Variants in TMC6 observed in about 807,000 individuals in gnomAD.
TMC6 encodes the protein transmembrane channel-like protein 6.
TMC6 carries 71 observed loss-of-function variants against 95.4 expected under a neutral mutation model. The ratio of observed to expected loss-of-function variants is 0.74; its 90% CI spans 0.61 to 0.91. The LOEUF is 0.91. TMC6 is among the 40% of genes least tolerant of loss of function. The pLI is 0.00. For synonymous variants in TMC6, 514 were observed against 483.1 expected, an observed-to-expected ratio of 1.06 and a Z score of -0.84; for missense variants, 1,074 against 1,079.1, an observed-to-expected ratio of 1.00 and a Z score of 0.07.
rs927657333 is a variant in TMC6 at position 78,122,163 on chromosome 17, T to C, written c.1227+442A>G. Among the ~76,000 whole-genome samples the C allele has an allele frequency of 6.6e-6, 1 of 152,162 alleles. No homozygotes were observed. Among genetic ancestry groups the C allele is most frequent in the Middle Eastern group, 3.4e-3 (1 of 292 alleles). On this transcript the variant is annotated intron_variant, in intron 10 of 19. Transcript: ENST00000590602. The surrounding 1 kb of genome is among the most constrained non-coding windows in gnomAD (Gnocchi z 4.9). The stretch of plus-strand genomic sequence containing the variant: ...CAGAGAATGTTCCACGAGGCCCGGC[T>C]CTGCAGCCTCCTGGCCCCGCAACCT...
At chr17:78,132,135 C>T (rs1412963450), upstream of TMC6, 1 of 1,505,580 alleles carries the variant, frequency 6.6e-7, no homozygotes, top group African/African-American at 1.4e-5. Context: ...ACCCGGGTCC[C>T]CCGACCAATC....
chr17:78,117,816 G>C lies in TMC6; in HGVS notation c.2007C>G (p.Cys669Trp). 6.2e-7 allele frequency: 1 copy of C among 1,607,566 alleles called. No homozygotes were observed. The highest frequency in any genetic ancestry group is 8.5e-7 in the Non-Finnish European group (1 of 1,177,270). ...GCCCCACTCACTGCCAGACGGCGTAGCAGAGGAAGACAGCGGCGCCCAGGA... is the reference window on the plus strand; with the variant it reads ...GCCCCACTCACTGCCAGACGGCGTACCAGAGGAAGACAGCGGCGCCCAGGA... ...PAFLGAAVFL[C>W]YAVWQVKPSS... Residue 669 changes from cysteine (C) to tryptophan (W), a missense_variant, in exon 16 of 20, where the codon TGC becomes TGG. Transcript: ENST00000590602.
In TMC6 at chr17:78,121,240, G is replaced by A. The variant is rs1038872508; in HGVS notation, c.1384-76C>T. On this transcript the variant is annotated intron_variant, in intron 11 of 19. Transcript: ENST00000590602. This position sits in a 1 kb window ranked among gnomAD's most constrained non-coding sequence, Gnocchi z 5.6. ...AGCGGGCAGCTACAGGGAAGGGCCC[G>A]GGGTGGAACTGGCAGGTAGCACCTC... 1.6e-5 allele frequency: 25 copies of A among 1,538,228 alleles called. No individual in the cohort carries two copies. The highest frequency in any genetic ancestry group is 9.8e-5 in the East Asian group (4 of 40,928).
chr17:78,131,047 C>T (rs2074951373), upstream of TMC6: 1 of 187,574 alleles, frequency 5.3e-6, no homozygotes, highest in African/African-American at 2.4e-5. Flanking sequence ...AAGGGGGTCC[C>T]CCGACATCCA....
rs764486479 is a variant in TMC6 at position 78,117,300 on chromosome 17, A to G, written c.2246T>C (p.Val749Ala). 10 of 1,613,192 alleles carry G rather than the reference A, an allele frequency of 6.2e-6. No homozygotes were observed. Among genetic ancestry groups the G allele is most frequent in the Non-Finnish European group, 8.5e-6 (10 of 1,179,956 alleles). Reference sequence around the variant, plus strand: ...GATCTGCTCCTTGAGCAGGCAGATGACCTTGCGCTGGCCCCGCACCACCTG... The same window carrying G: ...GATCTGCTCCTTGAGCAGGCAGATGGCCTTGCGCTGGCCCCGCACCACCTG... ...NIQVVRGQRK[V>A]ICLLKEQISN... Residue 749 changes from valine to alanine, a missense_variant, in exon 18 of 20, where the codon GTC becomes GCC. Transcript: ENST00000590602.
At chr17:78,123,557 G>GTAGGTAGA (rs2074525860) in intron 9 of TMC6, among the ~76,000 whole-genome samples, 1 of 149,332 alleles carries the variant, frequency 6.7e-6, no homozygotes, top group Admixed American at 6.6e-5. Flanking sequence ...GGATGGGTGG[G>GTAGGTAGA]TGGATGGGTG....
rs1046100339 is a variant in TMC6 at position 78,108,435 on chromosome 17, G to A, written c.*4713C>T. The A allele has an allele frequency of 1.9e-5, 3 of 154,846 alleles. No homozygotes were observed. Among genetic ancestry groups the A allele is most frequent in the Admixed American group, 6.5e-5 (1 of 15,288 alleles). The allele number at this position is 154,846 out of a possible 1,614,324, so 9.6% of individuals were successfully genotyped here. ...TGGAAGCGGCAACCCTCAGCTCTGCGCGGCCGAGCCTCAGCAAGAGTTCGT... is the reference window on the plus strand; with the variant it reads ...TGGAAGCGGCAACCCTCAGCTCTGCACGGCCGAGCCTCAGCAAGAGTTCGT... On this transcript the variant is annotated 3_prime_UTR_variant, in exon 20 of 20. Transcript: ENST00000590602.
Position 78,117,833 on chromosome 17 carries a change from C to T in TMC6, c.1990G>A (p.Ala664Thr), listed in dbSNP as rs1043493457. 6.2e-6 allele frequency: 10 copies of T among 1,607,642 alleles called. No individual in the cohort carries two copies. The highest frequency in any genetic ancestry group is 3.4e-5 in the Admixed American group (2 of 59,292). Reference sequence around the variant, plus strand: ...ACGGCGTAGCAGAGGAAGACAGCGGCGCCCAGGAAGGCGGGGAAGCAGAGC... The same window carrying T: ...ACGGCGTAGCAGAGGAAGACAGCGGTGCCCAGGAAGGCGGGGAAGCAGAGC... ...TLLCFPAFLG[A>T]AVFLCYAVWQ... is the part of the protein sequence containing the mutation. The change falls in exon 16 of 20, where the codon GCC becomes ACC. Residue 664 changes from alanine (A) to threonine (T), a missense_variant. Coordinates refer to ENST00000590602, the MANE Select transcript of TMC6 (RefSeq NM_001127198.5).
chr17:78,119,679 G>A (rs2074312634), intron 13 of TMC6: 2 of 476,286 alleles, frequency 4.2e-6, no homozygotes, highest in Non-Finnish European at 7.7e-6. Flanking sequence ...CTGTTGTCCG[G>A]GCTGGAGCAC....
At position 78,109,936 on chromosome 17, in the gene TMC6, C is replaced by A; in HGVS notation, c.*3212G>T. The A allele has an allele frequency of 4.5e-6, 1 of 221,250 alleles. No individual in the cohort carries two copies. The highest frequency in any genetic ancestry group is 9.2e-6 in the Non-Finnish European group (1 of 108,232). 13.7% of individuals were successfully genotyped at this position (221,250 alleles called of 1,614,324 possible). A position where few individuals can be genotyped will look rare whatever the true frequency, so the allele number is the denominator to read the frequency against. On this transcript the variant is annotated 3_prime_UTR_variant, in exon 20 of 20. Transcript: ENST00000590602. ...ACAAAATTAGCTGGGCATGGTAGCA[C>A]ATGCCTGTAATCCCAGCTACTTGGG...
At position 78,113,199 on chromosome 17, in the gene TMC6, G is replaced by C; in HGVS notation, c.2367C>G (p.Thr789=). 6.4e-7 allele frequency: 1 copy of C among 1,556,748 alleles called. No homozygotes were observed. Among genetic ancestry groups the C allele is most frequent in the Non-Finnish European group, 8.7e-7 (1 of 1,149,190 alleles). ...GGGCAGGGGGTGCCGCAGCCTCCTC[G>C]GTTGTCCCAACCCTGCCAGAAAGAG... is the stretch of plus-strand genomic sequence containing the variant. ...EREERSRVGT[T]EEAAAPPALL... Residue 789 remains threonine, a synonymous_variant, in exon 20 of 20, where the codon ACC becomes ACG. Transcript: ENST00000590602.
In TMC6 at chr17:78,120,895, G is replaced by A. The variant is rs915001402; in HGVS notation, c.1536-63C>T. 3.1e-6 allele frequency: 5 copies of A among 1,610,758 alleles called. No individual in the cohort carries two copies. In the African/African-American group the frequency reaches 6.7e-5, roughly 22 times the overall value. On this transcript the variant is annotated intron_variant, in intron 12 of 19. Transcript: ENST00000590602. ...CAGGGGACAGAAGATGCACCCCAGGGCCCCCACCAGGGGCTTGGTCACACC... is the reference window on the plus strand; with the variant it reads ...CAGGGGACAGAAGATGCACCCCAGGACCCCCACCAGGGGCTTGGTCACACC...
At position 78,124,786 on chromosome 17, in the gene TMC6, G is replaced by C. The variant is rs370071234; in HGVS notation, c.634-5C>G. The C allele has an allele frequency of 6.3e-7, 1 of 1,580,450 alleles. No individual in the cohort carries two copies. Among genetic ancestry groups the C allele is most frequent in the Non-Finnish European group, 8.6e-7 (1 of 1,164,032 alleles). On this transcript the variant is annotated splice_region_variant and splice_polypyrimidine_tract_variant and intron_variant, in intron 7 of 19. Coordinates refer to ENST00000590602, the MANE Select transcript of TMC6 (RefSeq NM_001127198.5). The stretch of plus-strand genomic sequence containing the variant: ...CAGGCCCAGGCTGTGCAAGGCCTGC[G>C]GGCACAGGCAGAGAGGCCCTGAGGG...
chr17:78,125,081 C>T, intron 6 of TMC6, 77 bp downstream of exon 6: 2 of 1,542,218 alleles, frequency 1.3e-6, no homozygotes, highest in Non-Finnish European at 1.7e-6. Context: ...CCCCTTCTCC[C>T]CCACCACCTA....
In TMC6 at chr17:78,121,792, A is replaced by G; in HGVS notation, c.1228-81T>C. 1 of 1,480,618 alleles carries G rather than the reference A, an allele frequency of 6.8e-7. No individual in the cohort carries two copies. The highest frequency in any genetic ancestry group is 9.0e-7 in the Non-Finnish European group (1 of 1,110,712). The allele number at this position is 1,480,618 out of a possible 1,614,324, so 91.7% of individuals were successfully genotyped here. On this transcript the variant is annotated intron_variant, in intron 10 of 19. Transcript: ENST00000590602. This position sits in a 1 kb window ranked among gnomAD's most constrained non-coding sequence, Gnocchi z 5.6. ...GTGCAGACACAGCACAACACACACA[A>G]CACACATGAGACACACCAGGAGGCT... is the stretch of plus-strand genomic sequence containing the variant.
rs1412774170 is a variant in TMC6, at chr17:78,113,030, C to G, written c.*118G>C. 2.4e-5 allele frequency: 29 copies of G among 1,232,840 alleles called. No individual in the cohort carries two copies. Among genetic ancestry groups the G allele is most frequent in the Non-Finnish European group, 3.0e-5 (26 of 866,406 alleles). 76.4% of individuals were successfully genotyped at this position (1,232,840 alleles called of 1,614,324 possible). On this transcript the variant is annotated 3_prime_UTR_variant, in exon 20 of 20. Transcript: ENST00000590602. The stretch of plus-strand genomic sequence containing the variant: ...CCTTCCAGCTCCAGCCTAGGCGCAG[C>G]TGCGGCTTTCGAGAGGCGAAACTGT...
At chr17:78,132,249 TG>T, upstream of TMC6, 2 of 1,439,342 alleles carry the variant, frequency 1.4e-6, no homozygotes, top group Non-Finnish European at 1.9e-6. Context: ...CTCGGGCGGG[TG>T]GGAGCCTGGC....
rs1192920268 is a variant in TMC6, at chr17:78,113,685, C to A, written c.2278-61G>T. The A allele has an allele frequency of 2.6e-6, 4 of 1,549,478 alleles. No individual in the cohort carries two copies. The East Asian group carries it at 6.7e-5, about 26-fold the overall frequency. ...ATCCATCAGCCCATCCAGAGCCATC[C>A]TGTTCCAAACTGCATTTGAGGGAAA... On this transcript the variant is annotated intron_variant, in intron 18 of 19. Coordinates refer to ENST00000590602, the MANE Select transcript of TMC6 (RefSeq NM_001127198.5).
rs1212886123 is a variant in TMC6, at chr17:78,128,333, CCCCCT to C, written c.-75+274_-75+278del. The stretch of plus-strand genomic sequence containing the variant: ...CCCGCCCCTTCCCATCCCGGCCACA[CCCCCT>C]CCCCTCCCCTCCCCGTGCCCTGGCG... On this transcript the variant is annotated intron_variant, in intron 1 of 19. Transcript: ENST00000590602. The surrounding 1 kb of genome is among the most constrained non-coding windows in gnomAD (Gnocchi z 4.0). Among the ~76,000 whole-genome samples the C allele has an allele frequency of 1.3e-5, 2 of 151,984 alleles. No homozygotes were observed. The highest frequency in any genetic ancestry group is 6.5e-5 in the Admixed American group (1 of 15,282).
Sources: allele counts gnomAD v4.1 joint callset (sites outside exome capture counted in the v4.1 genomes callset), GRCh38; gene constraint gnomAD v4.1.1; non-coding constraint Gnocchi (gnomAD v3.1); transcripts MANE v1.5; gene names NCBI Gene and HGNC (gene_info 2026-07-23, HGNC 2026-07-21).